The following DENND3 variants were observed in gnomAD, a reference collection of about 807,000 sequenced individuals.
The protein encoded by DENND3 is DENN domain-containing protein 3.
DENND3 carries 88 observed loss-of-function variants against 135.1 expected under a neutral mutation model. The observed-to-expected ratio is 0.65, with a 90% confidence interval of 0.55 to 0.78. The LOEUF (loss-of-function observed/expected upper bound fraction) is 0.78. DENND3 is among the 30% of genes least tolerant of loss of function. The pLI, the probability that DENND3 is intolerant of heterozygous loss-of-function variation, is 0.00. For synonymous variants in DENND3, 693 were observed against 712.3 expected (o/e 0.97, Z 0.43); for missense variants, 1,392 against 1,688.4 (o/e 0.82, Z 3.08).
rs1425803566 is a variant in DENND3, at chr8:141,182,049, G to C, written c.2944+1195G>C. On this transcript the variant is annotated intron_variant, in intron 17 of 22. Coordinates refer to ENST00000519811, the MANE Select transcript of DENND3 (RefSeq NM_001352890.3). This position sits in a 1 kb window ranked among gnomAD's most constrained non-coding sequence, Gnocchi z 5.9. ...GCTCAAGCGATACCTCTCCACCTTG[G>C]CCTCCCGAAGCGCTGGGATTACAGG... 6.6e-6 allele frequency among the ~76,000 whole-genome samples: 1 copy of C among 152,192 alleles called. No homozygotes were observed. Among genetic ancestry groups the C allele is most frequent in the East Asian group, 1.9e-4 (1 of 5,194 alleles).
intron 17 of DENND3, among the ~76,000 whole-genome samples, chr8:141,181,427 T>C (rs933597128): frequency 6.6e-6 from 1 of 152,198 alleles, no homozygotes; most frequent in African/African-American, 2.4e-5. Context: ...CCTCAGATAT[T>C]TGTTGTCATA....
intron 5 of DENND3, among the ~76,000 whole-genome samples, chr8:141,147,789 C>T (rs939596082): frequency 7.2e-5 from 11 of 152,320 alleles, no homozygotes; most frequent in East Asian, 1.9e-4. Context: ...AGCTCACAGC[C>T]GGGCCCGCAC....
chr8:141,132,879 C>T (rs1170326218), intron 1 of DENND3, among the ~76,000 whole-genome samples: 3 of 152,168 alleles, frequency 2.0e-5, no homozygotes, highest in East Asian at 3.8e-4. Context: ...CTGAGCATGC[C>T]TCTAAGAGAT....
chr8:141,188,497 G>T (rs7001673), intron 18 of DENND3: 70,890 of 153,582 alleles, frequency 0.46, 17,036 homozygotes, highest in African/African-American at 0.59. Context: ...GTGCACAGAC[G>T]GGGGAAAAAC....
chr8:141,128,694 G>T lies in DENND3; in HGVS notation c.-14G>T. 7.3e-7 allele frequency: 1 copy of T among 1,378,666 alleles called. No homozygotes were observed. The allele number at this position is 1,378,666 out of a possible 1,614,324, so 85.4% of individuals were successfully genotyped here. On this transcript the variant is annotated 5_prime_UTR_variant, in exon 1 of 23. Transcript: ENST00000519811. The surrounding 1 kb of genome is among the most constrained non-coding windows in gnomAD (Gnocchi z 4.5). Reference sequence around the variant, plus strand: ...GCGCCCGAGTGCGGTACTGGCGGCGGGCGGCGGGCAGCCATGGCGGAGGCC... The same window carrying T: ...GCGCCCGAGTGCGGTACTGGCGGCGTGCGGCGGGCAGCCATGGCGGAGGCC...
chr8:141,144,370 C>A lies in DENND3; in HGVS notation c.735+111C>A. On this transcript the variant is annotated intron_variant, in intron 5 of 22. Transcript: ENST00000519811. This position sits in a 1 kb window ranked among gnomAD's most constrained non-coding sequence, Gnocchi z 4.4. ...TTCTGAAGTTCTAGCTGTTGTAAAC[C>A]TAAAATAACATCCTAACCCCCCCGC... 9.4e-7 allele frequency: 1 copy of A among 1,069,384 alleles called. No homozygotes were observed. The highest frequency in any genetic ancestry group is 1.3e-6 in the Non-Finnish European group (1 of 769,756). 66.2% of individuals were successfully genotyped at this position (1,069,384 alleles called of 1,614,324 possible).
At chr8:141,172,513 G>A (rs1795729325) in intron 13 of DENND3, among the ~76,000 whole-genome samples, 1 of 152,172 alleles carries the variant, frequency 6.6e-6, no homozygotes, top group South Asian at 2.1e-4. Flanking sequence ...ACTTCACCCT[G>A]CCAAGCCCCC....
In DENND3 at chr8:141,190,656, C is replaced by T. The variant is rs1824599199; in HGVS notation, c.3379+239C>T. ...GCGGCTGACGGGATGCCTGTCTTGC[C>T]TGGACGCACCACTGCTCTCCTGTCC... is the stretch of plus-strand genomic sequence containing the variant. On this transcript the variant is annotated intron_variant, in intron 20 of 22. Coordinates refer to ENST00000519811, the MANE Select transcript of DENND3 (RefSeq NM_001352890.3). 7 of 519,682 alleles carry T rather than the reference C, an allele frequency of 1.3e-5. No individual in the cohort carries two copies. The East Asian group carries it at 2.2e-4, about 17-fold the overall frequency. The allele number at this position is 519,682 out of a possible 1,614,324, so 32.2% of individuals were successfully genotyped here. A position where few individuals can be genotyped will look rare whatever the true frequency, so the allele number is the denominator to read the frequency against.
Position 141,138,206 on chromosome 8 carries a change from C to A in DENND3, c.501+69C>A, listed in dbSNP as rs1817010500. The A allele has an allele frequency of 1.4e-6, 2 of 1,421,608 alleles. No individual in the cohort carries two copies. Among genetic ancestry groups the A allele is most frequent in the African/African-American group, 2.8e-5 (2 of 70,540 alleles). The allele number at this position is 1,421,608 out of a possible 1,614,324, so 88.1% of individuals were successfully genotyped here. ...TTTTATTATGGTGAAATACACATAA[C>A]ACAACATTCACCATTCTAACCATTT... On this transcript the variant is annotated intron_variant, in intron 3 of 22. Transcript: ENST00000519811. The surrounding 1 kb of genome is among the most constrained non-coding windows in gnomAD (Gnocchi z 4.8).
chr8:141,190,204 G>C, intron 19 of DENND3, 80 bp from the exon 20 acceptor site: 1 of 1,435,054 alleles, frequency 7.0e-7, no homozygotes, highest in Non-Finnish European at 9.1e-7. Flanking sequence ...ATGGCGACTT[G>C]GTTCTCTCTT....
chr8:141,135,111 C>T (rs929484395), intron 1 of DENND3, among the ~76,000 whole-genome samples: 8 of 151,886 alleles, frequency 5.3e-5, no homozygotes, highest in Non-Finnish European at 1.2e-4. Context: ...GCTGGGATTA[C>T]AGGCATGAGC....
chr8:141,150,757 G>T (rs774684571), intron 5 of DENND3, 77 bp from the exon 6 acceptor site: 1 of 1,472,476 alleles, frequency 6.8e-7, no homozygotes, highest in South Asian at 1.5e-5. Flanking sequence ...CCTGGGCACC[G>T]AAATAGTGAC....
chr8:141,138,089 C>T lies in DENND3; in HGVS notation c.453C>T (p.Cys151=), dbSNP rs199713717. 18 of 1,610,154 alleles carry T rather than the reference C, an allele frequency of 1.1e-5. No individual in the cohort carries two copies. Among genetic ancestry groups the T allele is most frequent in the South Asian group, 7.8e-5 (7 of 90,044 alleles). ...ACTTCCTGGTGCTGACCGATGTCTG[C>T]GGGAATAGGACCTATGGCGTGGTGG... ...CVHFLVLTDV[C]GNRTYGVVAQ... is the part of the protein sequence containing the mutation. Residue 151 remains cysteine (C), a synonymous_variant, in exon 3 of 23, where the codon TGC becomes TGT. Coordinates refer to ENST00000519811, the MANE Select transcript of DENND3 (RefSeq NM_001352890.3). The surrounding 1 kb of genome is among the most constrained non-coding windows in gnomAD (Gnocchi z 4.8).
In DENND3 at chr8:141,141,965, G is replaced by T; in HGVS notation, c.623+641G>T. On this transcript the variant is annotated intron_variant, in intron 4 of 22. Transcript: ENST00000519811. This position sits in a 1 kb window ranked among gnomAD's most constrained non-coding sequence, Gnocchi z 5.3. ...AGGCTAACGCAGGAGGATGGCTTAA[G>T]CCTAGGAGTTCAAGGCTGCAGTGAG... is the stretch of plus-strand genomic sequence containing the variant. 1 of 212,488 alleles carries T rather than the reference G, an allele frequency of 4.7e-6. No homozygotes were observed. The highest frequency in any genetic ancestry group is 5.8e-5 in the South Asian group (1 of 17,344). 13.2% of individuals were successfully genotyped at this position (212,488 alleles called of 1,614,324 possible).
chr8:141,189,242 C>T, intron 19 of DENND3, 96 bp downstream of exon 19: 1 of 1,519,864 alleles, frequency 6.6e-7, no homozygotes, highest in Non-Finnish European at 9.0e-7. Flanking sequence ...CCCACAGGGG[C>T]CAGGCGGGGC....
Position 141,176,471 on chromosome 8 carries a change from A to T in DENND3, c.2536-120A>T, listed in dbSNP as rs150015890. 4.4e-5 allele frequency: 54 copies of T among 1,228,728 alleles called. No homozygotes were observed. The Middle Eastern group carries it at 1.2e-3, about 26-fold the overall frequency. 76.1% of individuals were successfully genotyped at this position (1,228,728 alleles called of 1,614,324 possible). A position where few individuals can be genotyped will look rare whatever the true frequency, so the allele number is the denominator to read the frequency against. On this transcript the variant is annotated intron_variant, in intron 14 of 22. Coordinates refer to ENST00000519811, the MANE Select transcript of DENND3 (RefSeq NM_001352890.3). ...GGGGCCCTGCCTTCCACATGCCAGC[A>T]GGATGCGTGCCTGCAGCCCATCTGC...
In DENND3 at chr8:141,176,644, A is replaced by C; in HGVS notation, c.2589A>C (p.Lys863Asn). ...TACTTCGGAGAATACCCACTTTAAA[A>C]ATCAGAGTGGCGTCCAAGAAAGAAG... is the stretch of plus-strand genomic sequence containing the variant. ...TFLLRRIPTL[K>N]IRVASKKEVF... Residue 863 changes from lysine to asparagine, a missense_variant, in exon 15 of 23, where the codon AAA becomes AAC. Physicochemically the swap from Lys to Asn is moderately conservative, Grantham distance 94. Coordinates refer to ENST00000519811, the MANE Select transcript of DENND3 (RefSeq NM_001352890.3). 2 of 1,614,244 alleles carry C rather than the reference A, an allele frequency of 1.2e-6. No homozygotes were observed. Among genetic ancestry groups the C allele is most frequent in the Non-Finnish European group, 1.7e-6 (2 of 1,180,050 alleles).
rs1316087780 is a variant in DENND3 at position 141,176,876 on chromosome 8, CTTAAGCAGAGTAAG to C, written c.2706+118_2706+131del. 3.0e-5 allele frequency: 36 copies of C among 1,189,992 alleles called. No individual in the cohort carries two copies. The East Asian group carries it at 8.4e-4, about 28-fold the overall frequency. The allele number at this position is 1,189,992 out of a possible 1,614,324, so 73.7% of individuals were successfully genotyped here. The stretch of plus-strand genomic sequence containing the variant: ...AGTGCTCGGGCTCGGGTCTGAGTGT[CTTAAGCAGAGTAAG>C]TTTGTCGGACACCATCTTGACAGAA... On this transcript the variant is annotated intron_variant, in intron 15 of 22. Transcript: ENST00000519811.
At chr8:141,152,906 C>T (rs895798367) in intron 7 of DENND3, among the ~76,000 whole-genome samples, 4 of 152,138 alleles carry the variant, frequency 2.6e-5, no homozygotes, top group Non-Finnish European at 4.4e-5. Context: ...TCCGCGCCAG[C>T]GCTGGTTGTT....
Sources: gnomAD v4.1 joint callset for allele counts (sites outside exome capture counted in the v4.1 genomes callset) on GRCh38, gnomAD v4.1.1 for gene constraint, Gnocchi (gnomAD v3.1) non-coding constraint, MANE v1.5 for transcripts, NCBI Gene and HGNC (gene_info 2026-07-23, HGNC 2026-07-21) for gene names.